DLEU7: variants seen among roughly 807,000 people sequenced by gnomAD.
The protein encoded by DLEU7 is leukemia-associated protein 7.
Under a neutral mutation model 16.0 loss-of-function variants are expected in DLEU7, and 17 were observed. The ratio of observed to expected loss-of-function variants is 1.06; its 90% CI spans 0.73 to 1.59. The LOEUF is 1.59. DLEU7 is among the 40% of genes most tolerant of loss of function. DLEU7 has a pLI of 0.00. For missense variants in DLEU7, 308 were observed against 314.9 expected (o/e 0.98, Z 0.17); for synonymous variants, 113 against 139.8 (o/e 0.81, Z 1.35).
At chr13:50,743,938 A>G (rs188684204) in intron 1 of DLEU7, among the ~76,000 whole-genome samples, 1 of 152,254 alleles carries the variant, frequency 6.6e-6, no homozygotes, top group East Asian at 1.9e-4. Flanking sequence ...TCATCCTTCC[A>G]TACACTGCTT....
chr13:50,723,887 C>T (rs1031321680), intron 1 of DLEU7, among the ~76,000 whole-genome samples: 29 of 151,634 alleles, frequency 1.9e-4, no homozygotes, highest in African/African-American at 7.0e-4. Context: ...AATTTATATT[C>T]ATGTATACTT....
intron 1 of DLEU7, among the ~76,000 whole-genome samples, chr13:50,722,296 G>A (rs1873643244): frequency 6.6e-6 from 1 of 152,198 alleles, no homozygotes; most frequent in African/African-American, 2.4e-5. Flanking sequence ...ATGAGAGCAT[G>A]GCTGGGTTCA....
At chr13:50,789,539 T>G (rs1403305191) in intron 1 of DLEU7, among the ~76,000 whole-genome samples, 1 of 151,584 alleles carries the variant, frequency 6.6e-6, no homozygotes, top group Non-Finnish European at 1.5e-5. Context: ...CACACATATA[T>G]TTAGTGCACA....
rs1407062612 is a variant in DLEU7 at position 50,843,326 on chromosome 13, G to GCGGTCC, written c.315_320dup (p.Asp106_Arg107dup). ...CCATCTGGGCCAGGGTGCAGGGCCC[G>GCGGTCC]CGGTCCCGGGGGAAGGGCAGCAACT... On this transcript the variant is annotated inframe_insertion, in exon 1 of 2. Transcript: ENST00000504404. This position sits in a 1 kb window ranked among gnomAD's most constrained non-coding sequence, Gnocchi z 5.7. 12 of 1,498,658 alleles carry GCGGTCC rather than the reference G, an allele frequency of 8.0e-6. No individual in the cohort carries two copies. In the South Asian group the frequency reaches 1.5e-4, roughly 19 times the overall value. 92.8% of individuals were successfully genotyped at this position (1,498,658 alleles called of 1,614,324 possible).
At chr13:50,728,265 T>C (rs1873821246) in intron 1 of DLEU7, among the ~76,000 whole-genome samples, 1 of 152,134 alleles carries the variant, frequency 6.6e-6, no homozygotes, top group Admixed American at 6.5e-5. Flanking sequence ...AACTAGTTGT[T>C]TTAAAGACAA....
chr13:50,779,962 G>A (rs182877208), intron 1 of DLEU7, among the ~76,000 whole-genome samples: 24 of 148,066 alleles, frequency 1.6e-4, no homozygotes, highest in Admixed American at 1.2e-3. Flanking sequence ...CTATTAAGCC[G>A]TTAACACATC....
At chr13:50,727,584 C>A (rs1295290958) in intron 1 of DLEU7, among the ~76,000 whole-genome samples, 1 of 152,154 alleles carries the variant, frequency 6.6e-6, no homozygotes, top group East Asian at 1.9e-4. Context: ...TCTCACCTGA[C>A]TCTCATGAGA....
chr13:50,721,043 G>A (rs967072626), intron 1 of DLEU7, among the ~76,000 whole-genome samples: 1 of 152,214 alleles, frequency 6.6e-6, no homozygotes, highest in African/African-American at 2.4e-5. Flanking sequence ...GGGAGAGGCT[G>A]ACCCAGCTGC....
intron 1 of DLEU7, among the ~76,000 whole-genome samples, chr13:50,780,358 C>G (rs1875618903): frequency 6.6e-6 from 1 of 152,178 alleles, no homozygotes; most frequent in Non-Finnish European, 1.5e-5. Context: ...TGATTTAAAA[C>G]CTGGATTTAT....
chr13:50,761,197 C>A (rs965306243), intron 1 of DLEU7, among the ~76,000 whole-genome samples: 1 of 152,112 alleles, frequency 6.6e-6, no homozygotes, highest in Non-Finnish European at 1.5e-5. Flanking sequence ...AAATACCAGG[C>A]ATGAGAAGGA....
At chr13:50,774,747 A>G (rs546527990) in intron 1 of DLEU7, among the ~76,000 whole-genome samples, 1 of 151,760 alleles carries the variant, frequency 6.6e-6, no homozygotes, top group East Asian at 1.9e-4. Flanking sequence ...AGACAATTGC[A>G]CAGCTCACTG....
chr13:50,774,642 C>G lies in DLEU7; in HGVS notation c.460-61402G>C, dbSNP rs985083210. Among the ~76,000 whole-genome samples the G allele has an allele frequency of 9.9e-5, 15 of 152,234 alleles. No homozygotes were observed. The South Asian group carries it at 1.2e-3, about 13-fold the overall frequency. On this transcript the variant is annotated intron_variant, in intron 1 of 1. Coordinates refer to the DLEU7 transcript ENST00000400393. The stretch of plus-strand genomic sequence containing the variant: ...GAATGTGTGGGTTGCTGTTTTCAAT[C>G]AAATTTAGAAATTTTTCATATAATA...
chr13:50,807,631 T>C (rs1425576864), intron 1 of DLEU7, among the ~76,000 whole-genome samples: 1 of 152,024 alleles, frequency 6.6e-6, no homozygotes, highest in Admixed American at 6.6e-5. Flanking sequence ...TGAAAGGCTA[T>C]TGTAAGGGGA....
chr13:50,778,885 T>C (rs1461787096), intron 1 of DLEU7, among the ~76,000 whole-genome samples: 1 of 152,260 alleles, frequency 6.6e-6, no homozygotes, highest in East Asian at 1.9e-4. Context: ...TTAGCTATGT[T>C]AAGCTTCAAA....
Position 50,717,413 on chromosome 13 carries a change from G to T in DLEU7, c.460-4173C>A, listed in dbSNP as rs1463837663. Among the ~76,000 whole-genome samples the T allele has an allele frequency of 3.9e-5, 6 of 152,152 alleles. No homozygotes were observed. The East Asian group carries it at 9.6e-4, about 24-fold the overall frequency. ...CAGAGAGGGCAAGGAAACAGAACAG[G>T]TCTGGAGAAAGGCAACTACACTCAT... On this transcript the variant is annotated intron_variant, in intron 1 of 1. Coordinates refer to the DLEU7 transcript ENST00000400393.
chr13:50,716,967 C>T (rs1873456188), intron 1 of DLEU7, among the ~76,000 whole-genome samples: 3 of 152,110 alleles, frequency 2.0e-5, no homozygotes, highest in Non-Finnish European at 4.4e-5. Flanking sequence ...ACTATATATA[C>T]ACATGACGCA....
intron 1 of DLEU7, 110 bp from the exon 2 acceptor site, chr13:50,823,630 GT>G (rs1203108325): frequency 6.2e-3 from 6,485 of 1,040,944 alleles, no homozygotes; most frequent in Non-Finnish European, 7.0e-3. Context: ...CAGCACTCTG[GT>G]TTTTTTTTTT....
At chr13:50,842,762 T>C (rs1877712776) in intron 1 of DLEU7, among the ~76,000 whole-genome samples, 2 of 152,204 alleles carry the variant, frequency 1.3e-5, no homozygotes, top group Admixed American at 1.3e-4. Context: ...GATTTCATCA[T>C]ACAAAAGGCA....
chr13:50,823,460 A>T lies in DLEU7; in HGVS notation c.520T>A (p.Phe174Ile). 1 of 1,535,920 alleles carries T rather than the reference A, an allele frequency of 6.5e-7. No individual in the cohort carries two copies. Among genetic ancestry groups the T allele is most frequent in the Non-Finnish European group, 8.7e-7 (1 of 1,146,746 alleles). ...HLALQIEGQQ[F>I]DRDLNAAHQC... ...TGGGCAGCATTCAAGTCTCTGTCAA[A>T]CTGCTGTCCTTCAATCTGTAGAGCC... Residue 174 changes from phenylalanine to isoleucine, a missense_variant, in exon 2 of 2, where the codon TTT (phenylalanine) becomes ATT (isoleucine). Phe to Ile is a conservative substitution (Grantham distance 21). Coordinates refer to ENST00000504404, the MANE Select transcript of DLEU7 (RefSeq NM_001306135.2).
Sources: allele counts gnomAD v4.1 joint callset (sites outside exome capture counted in the v4.1 genomes callset), GRCh38; gene constraint gnomAD v4.1.1; non-coding constraint Gnocchi (gnomAD v3.1); transcripts MANE v1.5; gene names NCBI Gene and HGNC (gene_info 2026-07-23, HGNC 2026-07-21).